The following TSHZ3 variants were observed in gnomAD, a reference collection of about 807,000 sequenced individuals.
The protein encoded by TSHZ3 is teashirt homolog 3.
In TSHZ3, 10 loss-of-function variants were observed where a neutral mutation model predicts 64.5. The ratio of observed to expected loss-of-function variants is 0.16; its 90% CI spans 0.10 to 0.26. The LOEUF (loss-of-function observed/expected upper bound fraction) is 0.26, where lower values mean the gene tolerates loss of function less well. Ranked by LOEUF, TSHZ3 falls within the 10% of genes least tolerant of loss-of-function variation. The pLI, the probability that TSHZ3 is intolerant of heterozygous loss-of-function variation, is 1.00. For synonymous variants in TSHZ3, 608 were observed against 593.1 expected (o/e 1.03, Z -0.36); for missense variants, 1,242 against 1,421.7 (o/e 0.87, Z 2.03).
chr19:31,223,119 T>C (rs1231131499), intron 4 of TSHZ3, among the ~76,000 whole-genome samples: 3 of 152,204 alleles, frequency 2.0e-5, no homozygotes, highest in African/African-American at 7.2e-5. Flanking sequence ...CTGTTTCTCT[T>C]GGACATCTGA....
At chr19:31,194,738 T>A (rs932772406) in intron 5 of TSHZ3, among the ~76,000 whole-genome samples, 3 of 152,144 alleles carry the variant, frequency 2.0e-5, no homozygotes, top group African/African-American at 7.2e-5. Context: ...ACAGCGAGTG[T>A]CAAAAGGAGA....
intron 1 of TSHZ3, among the ~76,000 whole-genome samples, chr19:31,318,445 ACT>A (rs1375201978): frequency 6.6e-6 from 1 of 152,158 alleles, no homozygotes. Flanking sequence ...GTTGTGTGAA[ACT>A]CACTGTACAA....
At chr19:31,273,525 C>T (rs1976175585), downstream of TSHZ3, among the ~76,000 whole-genome samples, 1 of 152,196 alleles carries the variant, frequency 6.6e-6, no homozygotes, top group Non-Finnish European at 1.5e-5. Context: ...TCCCTTCAAG[C>T]CACATGGGCC....
chr19:31,216,474 A>G (rs947624037), intron 4 of TSHZ3, among the ~76,000 whole-genome samples: 2 of 149,028 alleles, frequency 1.3e-5, no homozygotes, highest in Middle Eastern at 3.4e-3. Flanking sequence ...TTTTTTTGAG[A>G]CAGAGTCTCC....
intron 5 of TSHZ3, among the ~76,000 whole-genome samples, chr19:31,188,246 G>C (rs1974843759): frequency 6.6e-6 from 1 of 151,382 alleles, no homozygotes; most frequent in Non-Finnish European, 1.5e-5. Flanking sequence ...TAGTAACTTT[G>C]CTAAATTCAC....
chr19:31,344,213 C>T (rs1917519625), intron 1 of TSHZ3, among the ~76,000 whole-genome samples: 1 of 152,114 alleles, frequency 6.6e-6, no homozygotes, highest in Non-Finnish European at 1.5e-5. Context: ...ACAGAGTGAA[C>T]ACCTGCAAGG....
intron 3 of TSHZ3, among the ~76,000 whole-genome samples, chr19:31,241,220 TA>T (rs1252040902): frequency 6.6e-6 from 1 of 152,182 alleles, no homozygotes; most frequent in Non-Finnish European, 1.5e-5. Context: ...TTATGTTTTT[TA>T]AATAATAAAT....
At chr19:31,308,381 A>C (rs1916357228) in intron 1 of TSHZ3, 1 of 344,204 alleles carries the variant, frequency 2.9e-6, no homozygotes. Flanking sequence ...GTCCTTAATC[A>C]AGTCATAATA....
rs183906816 is a variant in TSHZ3 at position 31,190,757 on chromosome 19, G to T, written n.809+14199C>A. ...GAAATGACACAGTTATTGAACTTAG[G>T]ACACAAGGACTTTATAGAAGCCATT... On this transcript the variant is annotated intron_variant and non_coding_transcript_variant, in intron 5 of 6. Coordinates refer to the TSHZ3 transcript ENST00000651361. 3.1e-3 allele frequency among the ~76,000 whole-genome samples: 472 copies of T among 152,002 alleles called. 2 individuals are homozygous for T. The highest frequency in any genetic ancestry group is 6.8e-3 in the Middle Eastern group (2 of 294).
At chr19:31,235,627 CTTT>C (rs1322699391) in intron 3 of TSHZ3, among the ~76,000 whole-genome samples, 7 of 119,360 alleles carry the variant, frequency 5.9e-5, no homozygotes, top group Admixed American at 2.7e-4. Context: ...CTCTTTCTTT[CTTT>C]CCTCTTTCTT....
At chr19:31,172,572 AC>A (rs1974550282) in intron 5 of TSHZ3, among the ~76,000 whole-genome samples, 1 of 152,264 alleles carries the variant, frequency 6.6e-6, no homozygotes, top group African/African-American at 2.4e-5. Flanking sequence ...AGTGAACAAA[AC>A]TGGGAAAACA....
intron 1 of TSHZ3, among the ~76,000 whole-genome samples, chr19:31,336,642 T>A (rs1404712417): frequency 6.6e-6 from 1 of 152,164 alleles, no homozygotes; most frequent in East Asian, 1.9e-4. Context: ...CAGCAGGGTC[T>A]CACTCCAGTT....
At chr19:31,273,361 C>A (rs1027500427), downstream of TSHZ3, among the ~76,000 whole-genome samples, 21 of 152,156 alleles carry the variant, frequency 1.4e-4, no homozygotes, top group African/African-American at 5.1e-4. Context: ...AGAGAACCTG[C>A]GGCCTACCTT....
intron 1 of TSHZ3, chr19:31,308,363 T>A (rs1916356872): frequency 3.2e-6 from 1 of 312,040 alleles, no homozygotes. Flanking sequence ...ATGGCAAGGG[T>A]TTATTGTGTC....
intron 1 of TSHZ3, among the ~76,000 whole-genome samples, chr19:31,247,644 C>A (rs1030940332): frequency 7.9e-5 from 12 of 152,134 alleles, no homozygotes; most frequent in Non-Finnish European, 1.8e-4. Flanking sequence ...GGATAATCAG[C>A]CCCATCAGAA....
intron 1 of TSHZ3, among the ~76,000 whole-genome samples, chr19:31,311,192 A>T (rs1030611147): frequency 7.2e-5 from 11 of 152,226 alleles, no homozygotes; most frequent in African/African-American, 2.2e-4. Flanking sequence ...ATACTCTTAT[A>T]AAAAGCAGAT....
chr19:31,293,394 T>C (rs1184378211), intron 1 of TSHZ3, among the ~76,000 whole-genome samples: 1 of 152,186 alleles, frequency 6.6e-6, no homozygotes, highest in Non-Finnish European at 1.5e-5. Context: ...CACTTTACCT[T>C]CTATGTTTTA....
At chr19:31,323,502 C>CCTTTT (rs1916837600) in intron 1 of TSHZ3, among the ~76,000 whole-genome samples, 2 of 152,172 alleles carry the variant, frequency 1.3e-5, no homozygotes, top group Non-Finnish European at 2.9e-5. Context: ...GCATATTTTT[C>CCTTTT]CTTTTCTTTT....
chr19:31,229,628 G>T (rs1057248731), intron 3 of TSHZ3, among the ~76,000 whole-genome samples: 1 of 152,138 alleles, frequency 6.6e-6, no homozygotes, highest in Non-Finnish European at 1.5e-5. Flanking sequence ...TGATGAAATT[G>T]ATCACATGTA....
Sources: allele counts gnomAD v4.1 joint callset (sites outside exome capture counted in the v4.1 genomes callset), GRCh38; gene constraint gnomAD v4.1.1; transcripts MANE v1.5; gene names NCBI Gene and HGNC (gene_info 2026-07-23, HGNC 2026-07-21).